The following PABPC4L variants were observed in gnomAD, a reference collection of about 807,000 sequenced individuals.
The protein encoded by PABPC4L is poly(A) binding protein cytoplasmic 4 like, also known as polyadenylate-binding protein 4-like.
For missense variants in PABPC4L, 452 were observed against 451.4 expected (o/e 1.00, Z -0.01); for synonymous variants, 169 against 164.1 (o/e 1.03, Z -0.23).
chr4:134,005,359 T>G, the PABPC4L span, among the ~76,000 whole-genome samples: 1 of 151,892 alleles, frequency 6.6e-6, no homozygotes, highest in Non-Finnish European at 1.5e-5. Flanking sequence ...TAATGAGTAT[T>G]TTTATCTTTT....
the PABPC4L span, among the ~76,000 whole-genome samples, chr4:134,172,990 C>T: frequency 6.6e-6 from 1 of 151,384 alleles, no homozygotes; most frequent in Admixed American, 6.6e-5. Context: ...TAGATAGATG[C>T]ATATAAAAAC....
At chr4:134,020,904 G>A in the PABPC4L span, among the ~76,000 whole-genome samples, 1 of 152,048 alleles carries the variant, frequency 6.6e-6, no homozygotes, top group Non-Finnish European at 1.5e-5. Flanking sequence ...TCCTGTCAGA[G>A]TGTTCAATAT....
chr4:133,980,606 T>C, the PABPC4L span, among the ~76,000 whole-genome samples: 4 of 152,068 alleles, frequency 2.6e-5, no homozygotes, highest in Admixed American at 2.6e-4. Flanking sequence ...TTACCAAACA[T>C]GTTGGTCACC....
At chr4:134,059,118 C>T in the PABPC4L span, among the ~76,000 whole-genome samples, 1 of 151,974 alleles carries the variant, frequency 6.6e-6, no homozygotes, top group East Asian at 1.9e-4. Flanking sequence ...TTCCAGATTT[C>T]CTATTTTGTC....
At chr4:133,976,356 T>C in the PABPC4L span, among the ~76,000 whole-genome samples, 3 of 152,202 alleles carry the variant, frequency 2.0e-5, no homozygotes, top group Non-Finnish European at 4.4e-5. Context: ...AGTCTATCAT[T>C]GATGGGCATT....
At chr4:134,063,358 C>T in the PABPC4L span, among the ~76,000 whole-genome samples, 1 of 152,030 alleles carries the variant, frequency 6.6e-6, no homozygotes, top group African/African-American at 2.4e-5. Flanking sequence ...TCCTCTTGAA[C>T]TCTCAGTTCT....
the PABPC4L span, among the ~76,000 whole-genome samples, chr4:134,091,305 T>C: frequency 3.3e-5 from 5 of 152,022 alleles, no homozygotes; most frequent in African/African-American, 1.2e-4. Flanking sequence ...GGGCAGTTTT[T>C]TTTTTATACG....
chr4:134,111,519 A>G, the PABPC4L span, among the ~76,000 whole-genome samples: 1 of 151,876 alleles, frequency 6.6e-6, no homozygotes, highest in East Asian at 1.9e-4. Context: ...ACACATATAG[A>G]CTTCTATTTG....
chr4:133,994,735 C>T, the PABPC4L span, among the ~76,000 whole-genome samples: 2 of 152,154 alleles, frequency 1.3e-5, no homozygotes, highest in Non-Finnish European at 2.9e-5. Flanking sequence ...CGTTTCCTTT[C>T]CCTGGGCATT....
chr4:133,970,622 G>A, the PABPC4L span, among the ~76,000 whole-genome samples: 12 of 152,154 alleles, frequency 7.9e-5, no homozygotes, highest in Non-Finnish European at 1.6e-4. Context: ...GTCTCAGGGT[G>A]TAACATCACT....
the PABPC4L span, among the ~76,000 whole-genome samples, chr4:134,160,973 A>T: frequency 6.6e-6 from 1 of 152,134 alleles, no homozygotes; most frequent in Non-Finnish European, 1.5e-5. Flanking sequence ...GGAGTGACAG[A>T]TACATGACCT....
At chr4:134,118,269 A>T in the PABPC4L span, among the ~76,000 whole-genome samples, 1 of 151,852 alleles carries the variant, frequency 6.6e-6, no homozygotes, top group African/African-American at 2.4e-5. Context: ...TTCCTTGGAA[A>T]GTCATGGAAC....
the PABPC4L span, among the ~76,000 whole-genome samples, chr4:134,029,759 A>AT: frequency 4.6e-5 from 7 of 151,658 alleles, no homozygotes; most frequent in South Asian, 2.1e-4. Context: ...TATGAAATGT[A>AT]TTTTTTTTAA....
the PABPC4L span, among the ~76,000 whole-genome samples, chr4:134,110,130 G>A: frequency 1.3e-5 from 2 of 152,094 alleles, no homozygotes; most frequent in East Asian, 3.9e-4. Context: ...CCAGAAAAGA[G>A]CCTCAAGAAA....
chr4:134,073,908 C>A, the PABPC4L span, among the ~76,000 whole-genome samples: 1 of 152,148 alleles, frequency 6.6e-6, no homozygotes, highest in Non-Finnish European at 1.5e-5. Context: ...CGAGGCTGCA[C>A]AGAGCAGGGG....
chr4:133,998,256 T>C, the PABPC4L span, among the ~76,000 whole-genome samples: 15 of 152,090 alleles, frequency 9.9e-5, no homozygotes, highest in African/African-American at 3.6e-4. Flanking sequence ...GAATATGATA[T>C]ATTTAGTTTT....
At chr4:134,175,399 T>A in the PABPC4L span, among the ~76,000 whole-genome samples, 10 of 151,872 alleles carry the variant, frequency 6.6e-5, no homozygotes, top group East Asian at 1.9e-4. Context: ...GACCTTTTTT[T>A]AATAATTTAA....
chr4:134,024,834 G>A, the PABPC4L span, among the ~76,000 whole-genome samples: 3 of 142,328 alleles, frequency 2.1e-5, no homozygotes, highest in South Asian at 6.7e-4. Flanking sequence ...TTTGGAGACA[G>A]AATCTTGCCA....
the PABPC4L span, among the ~76,000 whole-genome samples, chr4:134,136,449 C>T: frequency 6.6e-6 from 1 of 152,030 alleles, no homozygotes; most frequent in African/African-American, 2.4e-5. Context: ...AATTTTTACC[C>T]ATGGAGCAAT....
Sources: gnomAD v4.1 joint callset for allele counts (sites outside exome capture counted in the v4.1 genomes callset) on GRCh38, gnomAD v4.1.1 for gene constraint, MANE v1.5 for transcripts, NCBI Gene and HGNC (gene_info 2026-07-23, HGNC 2026-07-21) for gene names.